Variants in DLGAP2 observed in about 807,000 individuals in gnomAD.
The protein encoded by DLGAP2 is DLG associated protein 2.
DLGAP2 carries 26 observed loss-of-function variants against 100.3 expected under a neutral mutation model. The ratio of observed to expected loss-of-function variants is 0.26; its 90% CI spans 0.19 to 0.36. DLGAP2 has a LOEUF of 0.36. DLGAP2 is among the 10% of genes least tolerant of loss of function. The pLI, the probability that DLGAP2 is intolerant of heterozygous loss-of-function variation, is 1.00. For missense variants in DLGAP2, 1,858 were observed against 1,453.2 expected (o/e 1.28, Z -4.53); for synonymous variants, 886 against 630.1 (o/e 1.41, Z -6.08).
intron 3 of DLGAP2, among the ~76,000 whole-genome samples, chr8:1,468,281 TCCTGAGTC>T (rs1798681245): frequency 1.4e-5 from 2 of 147,526 alleles, no homozygotes; most frequent in South Asian, 4.3e-4. Flanking sequence ...TCCGGGCTGG[TCCTGAGTC>T]CCCAGCAGCC....
chr8:826,919 C>G (rs546424104), intron 1 of DLGAP2, among the ~76,000 whole-genome samples: 1 of 152,270 alleles, frequency 6.6e-6, no homozygotes, highest in Non-Finnish European at 1.5e-5. Context: ...TAGAAACATC[C>G]AGTCTTTCCA....
chr8:1,263,301 A>C (rs908997979), intron 3 of DLGAP2, among the ~76,000 whole-genome samples: 1 of 152,222 alleles, frequency 6.6e-6, no homozygotes. Context: ...TAAGTAGTTT[A>C]AGGTAAGAGA....
chr8:1,149,806 ACTC>A (rs1399326657), intron 2 of DLGAP2, among the ~76,000 whole-genome samples: 200 of 151,966 alleles, frequency 1.3e-3, no homozygotes, highest in African/African-American at 4.6e-3. Flanking sequence ...TCCTCTCTTG[ACTC>A]GTCACTTTCA....
chr8:1,611,111 C>G (rs1258125118), intron 6 of DLGAP2, among the ~76,000 whole-genome samples: 1 of 142,364 alleles, frequency 7.0e-6, no homozygotes, highest in Non-Finnish European at 1.5e-5. Flanking sequence ...GACCAATATC[C>G]TTGATGAACA....
intron 2 of DLGAP2, among the ~76,000 whole-genome samples, chr8:1,157,752 C>T (rs999854364): frequency 2.6e-5 from 4 of 152,212 alleles, no homozygotes; most frequent in Admixed American, 6.5e-5. Context: ...CCCACCTATG[C>T]GTGGAGCTTC....
chr8:921,827 G>A (rs1228308456), intron 2 of DLGAP2, among the ~76,000 whole-genome samples: 1 of 152,240 alleles, frequency 6.6e-6, no homozygotes, highest in Non-Finnish European at 1.5e-5. Flanking sequence ...AGGGAGCCGG[G>A]CCAGGGTCCT....
At chr8:795,451 A>G (rs536405229) in intron 1 of DLGAP2, among the ~76,000 whole-genome samples, 20 of 152,346 alleles carry the variant, frequency 1.3e-4, no homozygotes, top group Non-Finnish European at 2.4e-4. Context: ...CATTTTAAAC[A>G]GTGAAATCAC....
intron 1 of DLGAP2, among the ~76,000 whole-genome samples, chr8:906,038 ACCGTCGGTGCTGGGGATG>A (rs1157618417): frequency 6.6e-6 from 1 of 152,208 alleles, no homozygotes; most frequent in African/African-American, 2.4e-5. Flanking sequence ...TCTGGAGCTA[ACCGTCGGTGCTGGGGATG>A]CCGGGGCAGG....
At chr8:1,455,870 G>A (rs1798297622) in intron 3 of DLGAP2, among the ~76,000 whole-genome samples, 1 of 152,172 alleles carries the variant, frequency 6.6e-6, no homozygotes, top group Non-Finnish European at 1.5e-5. Context: ...CAGGCGGTCG[G>A]TCTGTCTTGT....
At chr8:1,474,783 C>G (rs555966755) in intron 3 of DLGAP2, among the ~76,000 whole-genome samples, 1 of 152,164 alleles carries the variant, frequency 6.6e-6, no homozygotes, top group South Asian at 2.1e-4. Context: ...ACTGCCAGTG[C>G]GAGCGTACAT....
At chr8:1,626,578 C>A (rs1275646100) in intron 6 of DLGAP2, among the ~76,000 whole-genome samples, 162 bp from the exon 7 acceptor site, 1 of 150,914 alleles carries the variant, frequency 6.6e-6, no homozygotes, top group African/African-American at 2.4e-5. Flanking sequence ...CATCTCTACC[C>A]TGCAGCAGGT....
chr8:1,260,675 G>C (rs929963569), intron 3 of DLGAP2, among the ~76,000 whole-genome samples: 15 of 152,230 alleles, frequency 9.9e-5, no homozygotes, highest in Middle Eastern at 3.4e-3. Flanking sequence ...GGAGGCGAGG[G>C]TTTGGACTGA....
intron 4 of DLGAP2, among the ~76,000 whole-genome samples, chr8:1,533,125 T>C (rs556167029): frequency 2.6e-4 from 39 of 148,878 alleles, no homozygotes; most frequent in African/African-American, 9.5e-4. Flanking sequence ...TGTTAGTCAC[T>C]GATTCTAGGG....
intron 2 of DLGAP2, among the ~76,000 whole-genome samples, chr8:912,254 A>G (rs1207130974): frequency 6.6e-6 from 1 of 152,240 alleles, no homozygotes; most frequent in Non-Finnish European, 1.5e-5. Context: ...TTTGAGATAC[A>G]TTATGTTTCT....
chr8:989,034 C>G (rs562653383), intron 2 of DLGAP2, among the ~76,000 whole-genome samples: 3 of 152,198 alleles, frequency 2.0e-5, no homozygotes, highest in Admixed American at 1.3e-4. Context: ...TCTCTGCTGT[C>G]GAGGGCTCTC....
chr8:1,703,208 T>C lies in DLGAP2; in HGVS notation c.*1802T>C, dbSNP rs1479480698. Reference sequence around the variant, plus strand: ...CCCTGTAAAAACAAAACCCTGTAAATTGAGCCTCATGTCTGGTATATATTT... The same window carrying C: ...CCCTGTAAAAACAAAACCCTGTAAACTGAGCCTCATGTCTGGTATATATTT... On this transcript the variant is annotated 3_prime_UTR_variant, in exon 15 of 15. Transcript: ENST00000637795. 1.3e-5 allele frequency: 2 copies of C among 152,580 alleles called. No homozygotes were observed. The highest frequency in any genetic ancestry group is 2.9e-5 in the Non-Finnish European group (2 of 68,038). The allele number at this position is 152,580 out of a possible 1,614,324, so 9.5% of individuals were successfully genotyped here.
chr8:1,482,937 G>A (rs1250112646), intron 3 of DLGAP2, among the ~76,000 whole-genome samples: 2 of 152,236 alleles, frequency 1.3e-5, no homozygotes, highest in African/African-American at 2.4e-5. Flanking sequence ...GATGGTCTTG[G>A]AGCATTTAGC....
intron 1 of DLGAP2, among the ~76,000 whole-genome samples, chr8:878,364 G>A (rs184934980): frequency 6.6e-6 from 1 of 152,324 alleles, no homozygotes; most frequent in East Asian, 1.9e-4. Context: ...AGGTTTTGTG[G>A]TTCAAAGTTC....
chr8:1,568,256 C>T (rs1283841067), intron 6 of DLGAP2, among the ~76,000 whole-genome samples: 3 of 70,154 alleles, frequency 4.3e-5, no homozygotes, highest in Non-Finnish European at 6.0e-5. Context: ...CCATGGCCCC[C>T]GTGCCACTGT....
Sources: gnomAD v4.1 joint callset for allele counts (sites outside exome capture counted in the v4.1 genomes callset) on GRCh38, gnomAD v4.1.1 for gene constraint, MANE v1.5 for transcripts, NCBI Gene and HGNC (gene_info 2026-07-23, HGNC 2026-07-21) for gene names.